The following TANC2 variants were observed in gnomAD, a reference collection of about 807,000 sequenced individuals.
TANC2 encodes tetratricopeptide repeat, ankyrin repeat and coiled-coil containing 2, also known as protein TANC2.
In TANC2, 26 loss-of-function variants were observed where a neutral mutation model predicts 210.5. The ratio of observed to expected loss-of-function variants is 0.12; its 90% CI spans 0.09 to 0.17. The LOEUF (loss-of-function observed/expected upper bound fraction) is 0.17. Among genes scored for constraint, TANC2 ranks in the 10% least tolerant of loss-of-function variants. The pLI is 1.00. For missense variants in TANC2, 2,129 were observed against 2,608.9 expected (o/e 0.82, Z 4.01); for synonymous variants, 931 against 967.1 (o/e 0.96, Z 0.69).
At chr17:63,079,566 T>G (rs2036694248) in intron 3 of TANC2, among the ~76,000 whole-genome samples, 2 of 152,192 alleles carry the variant, frequency 1.3e-5, no homozygotes, top group African/African-American at 4.8e-5. Flanking sequence ...TTAAAATTAG[T>G]ATGCATGAAC....
chr17:63,297,403 A>G (rs1001317382), intron 9 of TANC2, among the ~76,000 whole-genome samples: 2 of 152,000 alleles, frequency 1.3e-5, no homozygotes, highest in African/African-American at 4.8e-5. Context: ...AAGTCCAGAA[A>G]TAAACCCCAT....
rs73994412 is a variant in TANC2, at chr17:63,199,761, A to G, written c.583-1010A>G. Among the ~76,000 whole-genome samples, 432 of 152,340 alleles carry G rather than the reference A, an allele frequency of 2.8e-3. 3 individuals carry two copies. The highest frequency in any genetic ancestry group is 9.8e-3 in the African/African-American group (409 of 41,576). On this transcript the variant is annotated intron_variant, in intron 6 of 27. Transcript: ENST00000689528. ...GGTAAATCAGAATATATTACCACCAACCTTTTTAGTAATTATTCATTCCTT... is the reference window on the plus strand; with the variant it reads ...GGTAAATCAGAATATATTACCACCAGCCTTTTTAGTAATTATTCATTCCTT...
rs114249600 is a variant in TANC2 at position 63,018,316 on chromosome 17, C to G, written c.67+8690C>G. On this transcript the variant is annotated intron_variant, in intron 2 of 27. Transcript: ENST00000689528. ...GACCAACCTGGCCAACGTGGAGAAA[C>G]CCGTCTCTACTAAAAATACAAAAAT... Among the ~76,000 whole-genome samples the G allele has an allele frequency of 3.7e-3, 563 of 151,636 alleles. 2 individuals carry two copies. Among genetic ancestry groups the G allele is most frequent in the African/African-American group, 0.012 (515 of 41,374 alleles).
At chr17:63,098,815 C>A (rs973000011) in intron 3 of TANC2, among the ~76,000 whole-genome samples, 1 of 151,740 alleles carries the variant, frequency 6.6e-6, no homozygotes, top group Non-Finnish European at 1.5e-5. Context: ...CAATTGCACA[C>A]GATGGCTTGC....
At chr17:63,406,510 C>T (rs982987196) in intron 21 of TANC2, among the ~76,000 whole-genome samples, 1 of 152,172 alleles carries the variant, frequency 6.6e-6, no homozygotes, top group East Asian at 1.9e-4. Flanking sequence ...TCTAAATTCT[C>T]ATTCAGATCA....
At chr17:63,210,955 C>A (rs1332612304) in intron 7 of TANC2, among the ~76,000 whole-genome samples, 1 of 152,130 alleles carries the variant, frequency 6.6e-6, no homozygotes, top group Non-Finnish European at 1.5e-5. Context: ...TCCCTACCTA[C>A]CCAGGAACCT....
At chr17:63,290,044 C>G (rs1567886296) in intron 9 of TANC2, among the ~76,000 whole-genome samples, 1 of 152,186 alleles carries the variant, frequency 6.6e-6, no homozygotes, top group Non-Finnish European at 1.5e-5. Flanking sequence ...TGATAATACT[C>G]CAGCAGGTTG....
intron 8 of TANC2, among the ~76,000 whole-genome samples, chr17:63,243,940 A>G (rs897421751): frequency 6.6e-6 from 1 of 152,218 alleles, no homozygotes; most frequent in African/African-American, 2.4e-5. Flanking sequence ...TTTACATTAT[A>G]AACTGAAGAA....
chr17:63,293,826 A>T (rs960940722), intron 9 of TANC2, among the ~76,000 whole-genome samples: 2 of 151,878 alleles, frequency 1.3e-5, no homozygotes, highest in African/African-American at 2.4e-5. Flanking sequence ...TGCAGCCTCA[A>T]CCTCTTGGAC....
intron 4 of TANC2, among the ~76,000 whole-genome samples, chr17:63,127,430 A>G (rs920280582): frequency 6.6e-6 from 1 of 152,202 alleles, no homozygotes; most frequent in Non-Finnish European, 1.5e-5. Context: ...ATCAAGGTTC[A>G]TCTGTCCAAA....
intron 5 of TANC2, among the ~76,000 whole-genome samples, chr17:63,173,943 C>A (rs1299885151): frequency 6.6e-6 from 1 of 152,176 alleles, no homozygotes; most frequent in African/African-American, 2.4e-5. Flanking sequence ...TCACCTGGAA[C>A]AATAGCTACT....
At chr17:63,221,684 A>C (rs2042196969) in intron 7 of TANC2, among the ~76,000 whole-genome samples, 1 of 152,320 alleles carries the variant, frequency 6.6e-6, no homozygotes, top group Non-Finnish European at 1.5e-5. Flanking sequence ...CATTAGGAAA[A>C]TGTAAATTAA....
chr17:63,259,232 C>A (rs2043288054), intron 8 of TANC2, among the ~76,000 whole-genome samples: 1 of 152,170 alleles, frequency 6.6e-6, no homozygotes, highest in Admixed American at 6.5e-5. Context: ...TGTCTCCTCT[C>A]TTCTCCTCAG....
chr17:63,110,578 G>A lies in TANC2; in HGVS notation c.322+11221G>A, dbSNP rs79277354. ...TCTGCTTCCAAGATAACACCTTGTTGCTGCATCTTCCAGGAGGGAGGGACA... is the reference window on the plus strand; with the variant it reads ...TCTGCTTCCAAGATAACACCTTGTTACTGCATCTTCCAGGAGGGAGGGACA... On this transcript the variant is annotated intron_variant, in intron 4 of 27. Transcript: ENST00000689528. Among the ~76,000 whole-genome samples, 688 of 148,102 alleles carry A rather than the reference G, an allele frequency of 4.6e-3. 26 individuals carry two copies. Among genetic ancestry groups the A allele is most frequent in the African/African-American group, 0.015 (572 of 37,616 alleles).
chr17:63,177,961 C>T (rs1350715228), intron 5 of TANC2, among the ~76,000 whole-genome samples: 1 of 152,200 alleles, frequency 6.6e-6, no homozygotes, highest in Non-Finnish European at 1.5e-5. Flanking sequence ...CTCTATTTTG[C>T]AACTCTTGTT....
chr17:63,304,987 C>T (rs1256378153), intron 9 of TANC2, among the ~76,000 whole-genome samples: 3 of 152,228 alleles, frequency 2.0e-5, no homozygotes, highest in Admixed American at 6.5e-5. Flanking sequence ...CCATCCCCTG[C>T]CCAGGGAGCT....
chr17:63,426,537 G>A (rs1223943920), exon 28 of TANC2: 1 of 152,240 alleles, frequency 6.6e-6, no homozygotes, highest in Non-Finnish European at 1.5e-5. Flanking sequence ...AAGCCTCACA[G>A]CAGGTGAGCC....
intron 3 of TANC2, among the ~76,000 whole-genome samples, chr17:63,082,900 A>T (rs2036831825): frequency 6.6e-6 from 1 of 152,200 alleles, no homozygotes; most frequent in South Asian, 2.1e-4. Context: ...AGGTATTCAC[A>T]TGGGGCATAG....
At chr17:63,293,892 C>T (rs200282692) in intron 9 of TANC2, among the ~76,000 whole-genome samples, 1 of 151,924 alleles carries the variant, frequency 6.6e-6, no homozygotes, top group Non-Finnish European at 1.5e-5. Flanking sequence ...CCACACCCAG[C>T]TAATTTTTGT....
Sources: allele counts gnomAD v4.1 joint callset (sites outside exome capture counted in the v4.1 genomes callset), GRCh38; gene constraint gnomAD v4.1.1; transcripts MANE v1.5; gene names NCBI Gene and HGNC (gene_info 2026-07-23, HGNC 2026-07-21).